ROBO2: variants seen among roughly 807,000 people sequenced by gnomAD.
ROBO2 encodes roundabout homolog 2.
Under a neutral mutation model 160.8 loss-of-function variants are expected in ROBO2, and 53 were observed. That is an observed-to-expected ratio of 0.33 (90% CI 0.26 to 0.41). The LOEUF (loss-of-function observed/expected upper bound fraction) is 0.41. ROBO2 is among the 10% of genes least tolerant of loss of function. The pLI is 1.00. For missense variants in ROBO2, 1,577 were observed against 1,722.4 expected, an observed-to-expected ratio of 0.92 and a Z score of 1.49; for synonymous variants, 664 against 611.7, an observed-to-expected ratio of 1.09 and a Z score of -1.26.
At chr3:76,882,577 T>C (rs2148757432) in intron 2 of ROBO2, among the ~76,000 whole-genome samples, 1 of 152,252 alleles carries the variant, frequency 6.6e-6, no homozygotes, top group African/African-American at 2.4e-5. Context: ...GCCTGTTACC[T>C]GTGTTTCTTA....
At chr3:77,237,892 G>A (rs1230778422) in intron 2 of ROBO2, among the ~76,000 whole-genome samples, 4 of 152,076 alleles carry the variant, frequency 2.6e-5, no homozygotes, top group African/African-American at 9.7e-5. Flanking sequence ...CCACATCCTT[G>A]TCAGCATTTG....
chr3:77,155,422 G>A (rs2077921768), intron 2 of ROBO2, among the ~76,000 whole-genome samples: 1 of 151,956 alleles, frequency 6.6e-6, no homozygotes, highest in African/African-American at 2.4e-5. Flanking sequence ...GCTCTAGCTG[G>A]TTTCAAAGAT....
chr3:76,116,782 A>G (rs1173903918), intron 2 of ROBO2, among the ~76,000 whole-genome samples: 1 of 152,178 alleles, frequency 6.6e-6, no homozygotes, highest in African/African-American at 2.4e-5. Flanking sequence ...AGTTTCCACC[A>G]AGCTTTGTGT....
At chr3:76,692,846 C>T (rs1340589093) in intron 2 of ROBO2, among the ~76,000 whole-genome samples, 2 of 151,658 alleles carry the variant, frequency 1.3e-5, no homozygotes, top group African/African-American at 4.8e-5. Context: ...CAGGGCTCTC[C>T]AGAGAAACAG....
At chr3:75,961,797 C>T (rs1338349327) in intron 2 of ROBO2, among the ~76,000 whole-genome samples, 2 of 151,296 alleles carry the variant, frequency 1.3e-5, no homozygotes, top group African/African-American at 4.8e-5. Flanking sequence ...AAATTTTTTT[C>T]AAGAGAATCA....
intron 2 of ROBO2, among the ~76,000 whole-genome samples, chr3:76,107,990 C>T (rs1163812042): frequency 6.6e-6 from 1 of 152,034 alleles, no homozygotes; most frequent in African/African-American, 2.4e-5. Flanking sequence ...GTAACCACCA[C>T]AAAATCAGGA....
intron 2 of ROBO2, among the ~76,000 whole-genome samples, chr3:77,333,440 CT>C (rs1188948683): frequency 5.9e-5 from 9 of 152,086 alleles, no homozygotes; most frequent in Non-Finnish European, 1.2e-4. Context: ...AGTATAGAAG[CT>C]TTTAAGTGAA....
chr3:77,453,167 T>C (rs1390681859), intron 2 of ROBO2, among the ~76,000 whole-genome samples: 1 of 152,160 alleles, frequency 6.6e-6, no homozygotes, highest in African/African-American at 2.4e-5. Context: ...TAAACTACTA[T>C]GAAATTTTGG....
chr3:77,351,506 G>A (rs181662229), intron 2 of ROBO2, among the ~76,000 whole-genome samples: 25 of 152,052 alleles, frequency 1.6e-4, no homozygotes, highest in Non-Finnish European at 3.2e-4. Context: ...AACTGGGATC[G>A]GCAAAAATGA....
chr3:77,361,969 A>C (rs1018605122), intron 2 of ROBO2, among the ~76,000 whole-genome samples: 2 of 152,172 alleles, frequency 1.3e-5, no homozygotes, highest in Non-Finnish European at 2.9e-5. Context: ...AACAAACTTA[A>C]TTCTTGCCTT....
At chr3:76,933,935 C>T (rs981160334) in intron 2 of ROBO2, among the ~76,000 whole-genome samples, 2 of 152,090 alleles carry the variant, frequency 1.3e-5, no homozygotes, top group Admixed American at 1.3e-4. Context: ...AGAAATATTG[C>T]TTATATAAAA....
intron 2 of ROBO2, among the ~76,000 whole-genome samples, chr3:77,375,298 C>T (rs911382796): frequency 1.3e-5 from 2 of 152,192 alleles, no homozygotes; most frequent in African/African-American, 4.8e-5. Context: ...CTGTTCGGTT[C>T]CCAATGACAA....
intron 2 of ROBO2, among the ~76,000 whole-genome samples, chr3:77,159,521 C>T (rs1484696744): frequency 1.3e-5 from 2 of 152,106 alleles, no homozygotes; most frequent in Non-Finnish European, 2.9e-5. Context: ...GTCAGTAGAA[C>T]TTGTATTCAA....
intron 2 of ROBO2, among the ~76,000 whole-genome samples, chr3:77,129,725 G>A (rs542187863): frequency 6.6e-6 from 1 of 152,258 alleles, no homozygotes; most frequent in Admixed American, 6.5e-5. Context: ...AGTTTTTGGT[G>A]CATCTCATCG....
intron 2 of ROBO2, among the ~76,000 whole-genome samples, chr3:76,591,425 T>TA (rs567392280): frequency 2.6e-5 from 4 of 152,098 alleles, no homozygotes; most frequent in Non-Finnish European, 5.9e-5. Context: ...TCAACTGTAA[T>TA]AAAAAAGATC....
At chr3:77,643,460 T>C (rs963149591) in intron 24 of ROBO2, among the ~76,000 whole-genome samples, 1 of 152,224 alleles carries the variant, frequency 6.6e-6, no homozygotes, top group Non-Finnish European at 1.5e-5. Context: ...ATCAGTTGAT[T>C]GATTTAGTTG....
At chr3:76,586,253 A>C (rs2086032043) in intron 2 of ROBO2, among the ~76,000 whole-genome samples, 1 of 152,210 alleles carries the variant, frequency 6.6e-6, no homozygotes, top group East Asian at 1.9e-4. Context: ...GTCATTGAGA[A>C]GTTTTCATGT....
At chr3:76,890,822 TTTC>T (rs1243956060) in intron 2 of ROBO2, among the ~76,000 whole-genome samples, 1 of 152,068 alleles carries the variant, frequency 6.6e-6, no homozygotes, top group Non-Finnish European at 1.5e-5. Context: ...GCTCCTCTTA[TTTC>T]TTCTTCTTCT....
At chr3:77,527,883 A>G (rs1048874270) in intron 6 of ROBO2, among the ~76,000 whole-genome samples, 3 of 151,620 alleles carry the variant, frequency 2.0e-5, no homozygotes, top group African/African-American at 7.2e-5. Flanking sequence ...TAGCTGCTGC[A>G]TATTTATTGC....
Sources: allele counts gnomAD v4.1 joint callset (sites outside exome capture counted in the v4.1 genomes callset), GRCh38; gene constraint gnomAD v4.1.1; transcripts MANE v1.5; gene names NCBI Gene and HGNC (gene_info 2026-07-23, HGNC 2026-07-21).